Variants in PGM1 observed in about 807,000 individuals in gnomAD.
PGM1 encodes phosphoglucomutase 1.
Under a neutral mutation model 55.6 loss-of-function variants are expected in PGM1, and 52 were observed. The ratio of observed to expected loss-of-function variants is 0.94; its 90% confidence interval spans 0.75 to 1.18. The LOEUF is 1.18. Ranked by LOEUF, PGM1 falls within the 50% of genes most tolerant of loss-of-function variation. PGM1 has a pLI of 0.00. For missense variants in PGM1, 724 were observed against 729.3 expected (o/e 0.99, Z 0.08); for synonymous variants, 287 against 271.7 (o/e 1.06, Z -0.55).
intron 1 of PGM1, among the ~76,000 whole-genome samples, chr1:63,603,228 TC>T (rs1203545065): frequency 1.3e-5 from 2 of 152,192 alleles, no homozygotes; most frequent in African/African-American, 4.8e-5. Context: ...GTGTCCCAGG[TC>T]ACAAAGTCAG....
intron 1 of PGM1, among the ~76,000 whole-genome samples, chr1:63,615,433 C>G (rs1334068838): frequency 6.6e-6 from 1 of 151,738 alleles, no homozygotes; most frequent in African/African-American, 2.4e-5. Context: ...TGGCCACCTT[C>G]TTTCATGTCC....
intron 7 of PGM1, among the ~76,000 whole-genome samples, chr1:63,647,528 CAT>C (rs1649689590): frequency 6.7e-6 from 1 of 149,464 alleles, no homozygotes; most frequent in Non-Finnish European, 1.5e-5. Flanking sequence ...TATAAAAAGA[CAT>C]GTATATTAAT....
intron 8 of PGM1, chr1:63,651,436 T>A: frequency 1.9e-6 from 1 of 524,056 alleles, no homozygotes; most frequent in South Asian, 2.1e-5. Context: ...GATGGGTGTT[T>A]TCTGCTTATT....
rs549748691 is a variant in PGM1, at chr1:63,633,813, G to A, written c.683-1016G>A. Among the ~76,000 whole-genome samples, 396 of 149,500 alleles carry A rather than the reference G, an allele frequency of 2.6e-3. 1 individual carries two copies. The highest frequency in any genetic ancestry group is 9.2e-3 in the African/African-American group (375 of 40,758). On this transcript the variant is annotated intron_variant, in intron 4 of 10. Coordinates refer to ENST00000371084, the MANE Select transcript of PGM1 (RefSeq NM_002633.3). ...CTCCTGAGTAGCTGGGATTACAGGCGCCCGCCACCAGGCCTGGCAAATCTT... is the reference window on the plus strand; with the variant it reads ...CTCCTGAGTAGCTGGGATTACAGGCACCCGCCACCAGGCCTGGCAAATCTT...
intron 5 of PGM1, among the ~76,000 whole-genome samples, chr1:63,635,343 C>G (rs371019280): frequency 8.8e-4 from 134 of 152,274 alleles, no homozygotes; most frequent in African/African-American, 3.1e-3. Context: ...CTGCTCTCAA[C>G]CAGCAGCTGG....
intron 6 of PGM1, among the ~76,000 whole-genome samples, chr1:63,637,100 A>G (rs757298090): frequency 4.3e-4 from 66 of 152,244 alleles, no homozygotes; most frequent in Admixed American, 7.2e-4. Context: ...AATAAAAGGT[A>G]AAGAATGAAT....
chr1:63,655,883 A>G (rs963074265), intron 10 of PGM1: 1 of 152,460 alleles, frequency 6.6e-6, no homozygotes, highest in Non-Finnish European at 1.5e-5. Flanking sequence ...TTTGGCATCA[A>G]TATGGTACCT....
At chr1:63,617,984 T>C (rs542464636) in intron 1 of PGM1, among the ~76,000 whole-genome samples, 6 of 152,240 alleles carry the variant, frequency 3.9e-5, no homozygotes, top group African/African-American at 1.4e-4. Context: ...AGGAAAACTT[T>C]TCAAGTATTC....
chr1:63,626,692 CA>C (rs530239245), intron 1 of PGM1, among the ~76,000 whole-genome samples: 30 of 152,146 alleles, frequency 2.0e-4, no homozygotes, highest in African/African-American at 6.0e-4. Context: ...TCTTTGAGTA[CA>C]GTGACAAATT....
chr1:63,636,027 T>G (rs778138346), intron 5 of PGM1, among the ~76,000 whole-genome samples: 1 of 152,218 alleles, frequency 6.6e-6, no homozygotes, highest in Non-Finnish European at 1.5e-5. Flanking sequence ...TTGAAAACAG[T>G]TTTAACTTTT....
Position 63,647,280 on chromosome 1 carries a change from A to G in PGM1, c.1145-1237A>G, listed in dbSNP as rs1214653506. ...TTTACATATATATATATATATATAT[A>G]TATATATATATATATATATATATAT... is the stretch of plus-strand genomic sequence containing the variant. On this transcript the variant is annotated intron_variant, in intron 7 of 10. Transcript: ENST00000371084. Among the ~76,000 whole-genome samples, 456 of 54,144 alleles carry G rather than the reference A, an allele frequency of 8.4e-3. 18 individuals are homozygous for G. The highest frequency in any genetic ancestry group is 0.053 in the African/African-American group (400 of 7,526). 35.5% of individuals were successfully genotyped at this position (54,144 alleles called of 152,430 possible). A position where few individuals can be genotyped will look rare whatever the true frequency, so the allele number is the denominator to read the frequency against.
intron 1 of PGM1, among the ~76,000 whole-genome samples, chr1:63,594,788 CAAAAAA>C (rs34661751): frequency 0.018 from 1,613 of 90,536 alleles, 36 homozygotes; most frequent in African/African-American, 0.066. Context: ...CTAAAAAATA[CAAAAAA>C]AAAAAAAAAA....
At chr1:63,620,682 C>A (rs192978788) in intron 1 of PGM1, among the ~76,000 whole-genome samples, 1 of 152,188 alleles carries the variant, frequency 6.6e-6, no homozygotes, top group Admixed American at 6.5e-5. Context: ...ACTGCTGATG[C>A]AAATGGAAGC....
chr1:63,625,717 A>T (rs1421954479), intron 1 of PGM1, among the ~76,000 whole-genome samples: 2 of 151,832 alleles, frequency 1.3e-5, no homozygotes, highest in Non-Finnish European at 2.9e-5. Flanking sequence ...AGATCATTTT[A>T]TTTTTTTTCC....
chr1:63,654,221 C>A, intron 9 of PGM1, 111 bp from the exon 10 acceptor site: 1 of 1,092,464 alleles, frequency 9.2e-7, no homozygotes, highest in Non-Finnish European at 1.4e-6. Context: ...GGATTTAACC[C>A]TCCAATGAAC....
intron 1 of PGM1, among the ~76,000 whole-genome samples, chr1:63,626,753 G>A (rs35259030): frequency 0.2 from 30,872 of 151,848 alleles, 4,378 homozygotes; most frequent in African/African-American, 0.41. Flanking sequence ...ATTTACCACC[G>A]TAACCATTTT....
chr1:63,655,591 GA>G (rs1303284111), intron 10 of PGM1, among the ~76,000 whole-genome samples: 5 of 152,302 alleles, frequency 3.3e-5, no homozygotes, highest in Non-Finnish European at 7.4e-5. Context: ...GAGCCAAGGG[GA>G]AGCAGTGAAG....
chr1:63,614,725 T>C (rs891903976), intron 1 of PGM1, among the ~76,000 whole-genome samples: 1 of 152,160 alleles, frequency 6.6e-6, no homozygotes, highest in African/African-American at 2.4e-5. Context: ...CTCCACAATC[T>C]ACCTGACCTC....
chr1:63,628,415 A>G (rs1409102850), intron 1 of PGM1, among the ~76,000 whole-genome samples: 1 of 152,172 alleles, frequency 6.6e-6, no homozygotes, highest in Non-Finnish European at 1.5e-5. Flanking sequence ...TCAATGGGCT[A>G]TGGAAGGGTG....
Sources: allele counts gnomAD v4.1 joint callset (sites outside exome capture counted in the v4.1 genomes callset), GRCh38; gene constraint gnomAD v4.1.1; transcripts MANE v1.5; gene names NCBI Gene and HGNC (gene_info 2026-07-23, HGNC 2026-07-21).